OSBPL10: variants seen among roughly 807,000 people sequenced by gnomAD.
The protein encoded by OSBPL10 is oxysterol binding protein like 10.
In OSBPL10, 49 loss-of-function variants were observed where a neutral mutation model predicts 81.7. The ratio of observed to expected loss-of-function variants is 0.60; its 90% CI spans 0.48 to 0.76. OSBPL10 has a LOEUF of 0.76. Ranked by LOEUF, OSBPL10 falls within the 30% of genes least tolerant of loss-of-function variation. OSBPL10 has a pLI of 0.00. For synonymous variants in OSBPL10, 419 were observed against 383.6 expected, an observed-to-expected ratio of 1.09 and a Z score of -1.08; for missense variants, 923 against 987.8, an observed-to-expected ratio of 0.93 and a Z score of 0.88.
At chr3:31,978,824 T>C (rs1351071286) in intron 1 of OSBPL10, among the ~76,000 whole-genome samples, 1 of 152,198 alleles carries the variant, frequency 6.6e-6, no homozygotes, top group African/African-American at 2.4e-5. Flanking sequence ...CACGTAGGTA[T>C]TATTATTGGC....
chr3:31,725,768 G>C (rs1051564091), intron 6 of OSBPL10, among the ~76,000 whole-genome samples: 1 of 152,230 alleles, frequency 6.6e-6, no homozygotes, highest in African/African-American at 2.4e-5. Flanking sequence ...ACAGGGAAGA[G>C]CACAGAACAG....
In OSBPL10 at chr3:31,981,088, G is replaced by A; in HGVS notation, c.92C>T (p.Pro31Leu). 1 of 1,492,858 alleles carries A rather than the reference G, an allele frequency of 6.7e-7. No homozygotes were observed. Among genetic ancestry groups the A allele is most frequent in the South Asian group, 1.3e-5 (1 of 79,244 alleles). The allele number at this position is 1,492,858 out of a possible 1,614,324, so 92.5% of individuals were successfully genotyped here. Residue 31 changes from proline (P) to leucine (L), a missense_variant, in exon 1 of 12, where the codon CCC becomes CTC. By Grantham distance (98) the Pro-to-Leu change is moderately conservative (BLOSUM62 -3). Around this residue, in one of 3 missense-constraint regions of OSBPL10, gnomAD observed 514 missense variants for 508.0 expected, o/e 1.01. Coordinates refer to ENST00000396556, the MANE Select transcript of OSBPL10 (RefSeq NM_017784.5). This position sits in a 1 kb window ranked among gnomAD's most constrained non-coding sequence, Gnocchi z 4.5. ...CCCCCGGCCCGCCAGAGAGCAGGAG[G>A]GCGAGGAGCCCGCCGAGGTAGCACG... Reference protein sequence around the residue: ...SSRATSAGSSPSCSLAGRGVS... With the variant: ...SSRATSAGSSLSCSLAGRGVS...
At chr3:32,019,096 C>T (rs556881211) in intron 2 of OSBPL10, among the ~76,000 whole-genome samples, 1 of 152,292 alleles carries the variant, frequency 6.6e-6, no homozygotes, top group South Asian at 2.1e-4. Flanking sequence ...GCTGTGCAAT[C>T]ATCACATTCC....
intron 1 of OSBPL10, among the ~76,000 whole-genome samples, chr3:31,916,511 CTTTT>C: frequency 6.6e-6 from 1 of 152,144 alleles, no homozygotes; most frequent in South Asian, 2.1e-4. Context: ...TATCTGACAC[CTTTT>C]TTCATGCACC....
intron 4 of OSBPL10, among the ~76,000 whole-genome samples, chr3:31,768,035 G>A (rs1385292943): frequency 2.6e-5 from 4 of 152,140 alleles, no homozygotes; most frequent in Admixed American, 6.5e-5. Context: ...TTGATCGTGC[G>A]CTAAAAAAGA....
At chr3:32,072,815 C>T (rs1699841627) in intron 1 of OSBPL10, among the ~76,000 whole-genome samples, 1 of 152,168 alleles carries the variant, frequency 6.6e-6, no homozygotes, top group Non-Finnish European at 1.5e-5. Flanking sequence ...AGGTAGAGGC[C>T]TTTCCCACGG....
intron 1 of OSBPL10, among the ~76,000 whole-genome samples, chr3:31,956,720 C>T (rs1191787405): frequency 6.6e-6 from 1 of 151,574 alleles, no homozygotes; most frequent in African/African-American, 2.4e-5. Flanking sequence ...AAGAGCGAAA[C>T]TCCGTCTCAA....
chr3:31,838,489 C>T (rs1044058768), intron 3 of OSBPL10, among the ~76,000 whole-genome samples: 11 of 127,878 alleles, frequency 8.6e-5, no homozygotes, highest in African/African-American at 3.1e-4. Context: ...CCAGCCTGGG[C>T]GACAGAGCAA....
At chr3:31,800,121 C>A (rs1275655175) in intron 4 of OSBPL10, among the ~76,000 whole-genome samples, 2 of 152,192 alleles carry the variant, frequency 1.3e-5, no homozygotes, top group African/African-American at 4.8e-5. Flanking sequence ...TAGCAATGGT[C>A]CAACTTCTCA....
intron 3 of OSBPL10, among the ~76,000 whole-genome samples, chr3:31,835,623 G>A (rs1700344291): frequency 6.6e-6 from 1 of 151,566 alleles, no homozygotes; most frequent in Non-Finnish European, 1.5e-5. Context: ...CAGCAAGGAG[G>A]AAAAAAAGAT....
At chr3:31,734,516 T>A (rs537472563) in intron 5 of OSBPL10, among the ~76,000 whole-genome samples, 2 of 152,174 alleles carry the variant, frequency 1.3e-5, no homozygotes, top group South Asian at 4.1e-4. Context: ...GGCAGAAGGA[T>A]CGCTTGAGCC....
At chr3:31,833,049 G>A (rs938435848) in intron 3 of OSBPL10, among the ~76,000 whole-genome samples, 1 of 152,132 alleles carries the variant, frequency 6.6e-6, no homozygotes, top group Admixed American at 6.5e-5. Context: ...GATAAAGATA[G>A]GAAATAACCA....
intron 4 of OSBPL10, among the ~76,000 whole-genome samples, chr3:31,750,891 A>C (rs911597478): frequency 3.9e-5 from 6 of 152,222 alleles, no homozygotes; most frequent in African/African-American, 1.4e-4. Flanking sequence ...TTATTATTTC[A>C]TAAACAGAAG....
chr3:31,665,094 G>A (rs563476892), intron 10 of OSBPL10, among the ~76,000 whole-genome samples: 105 of 152,294 alleles, frequency 6.9e-4, no homozygotes, highest in African/African-American at 2.5e-3. Flanking sequence ...AGTGGGACAA[G>A]AGAAAAGGAA....
intron 1 of OSBPL10, among the ~76,000 whole-genome samples, chr3:31,909,894 A>T (rs1389986472): frequency 6.6e-6 from 1 of 152,138 alleles, no homozygotes; most frequent in Non-Finnish European, 1.5e-5. Context: ...GAAATTAAAG[A>T]CATTAAGATG....
At position 31,878,929 on chromosome 3, in the gene OSBPL10, T is replaced by C. The variant is rs781600306; in HGVS notation, c.457+726A>G. Among the ~76,000 whole-genome samples, 27 of 151,844 alleles carry C rather than the reference T, an allele frequency of 1.8e-4. No individual in the cohort carries two copies. In the Middle Eastern group the frequency reaches 0.01, roughly 57 times the overall value. On this transcript the variant is annotated intron_variant, in intron 2 of 11. Coordinates refer to ENST00000396556, the MANE Select transcript of OSBPL10 (RefSeq NM_017784.5). ...AAAAGTGGCAGAAGAATCACAGCAA[T>C]GCAACCATGACAGATCCTGGTAGAA...
intron 10 of OSBPL10, among the ~76,000 whole-genome samples, chr3:31,666,480 C>G (rs1700193545): frequency 6.6e-6 from 1 of 152,174 alleles, no homozygotes; most frequent in Non-Finnish European, 1.5e-5. Flanking sequence ...TTTGCCTCTG[C>G]AGGGAAGGCC....
intron 2 of OSBPL10, among the ~76,000 whole-genome samples, chr3:32,025,129 G>A (rs760938345): frequency 1.3e-5 from 2 of 152,086 alleles, no homozygotes; most frequent in Non-Finnish European, 2.9e-5. Context: ...TTAGCCCTAG[G>A]TTATTTGTAG....
intron 6 of OSBPL10, among the ~76,000 whole-genome samples, chr3:31,714,396 G>T (rs1211625964): frequency 6.6e-6 from 1 of 152,170 alleles, no homozygotes; most frequent in Non-Finnish European, 1.5e-5. Context: ...AGTAATCAGA[G>T]GGGAGGCAAG....
Sources: allele counts gnomAD v4.1 joint callset (sites outside exome capture counted in the v4.1 genomes callset), GRCh38; gene constraint gnomAD v4.1.1; regional missense constraint gnomAD v4.1.1; non-coding constraint Gnocchi (gnomAD v3.1); transcripts MANE v1.5; gene names NCBI Gene and HGNC (gene_info 2026-07-23, HGNC 2026-07-21).